SZT2: variants seen among roughly 807,000 people sequenced by gnomAD.
SZT2 encodes the protein SZT2 subunit of KICSTOR complex, also known as KICSTOR complex protein SZT2.
A neutral mutation model predicts 404.2 loss-of-function variants in SZT2; 216 were observed. The observed-to-expected ratio is 0.53, with a 90% CI of 0.48 to 0.60. SZT2 has a LOEUF of 0.60. SZT2 is among the 20% of genes least tolerant of loss of function. The probability of loss-of-function intolerance (pLI) is 0.00; values close to 1 mark genes in which losing one functional copy is unlikely to be tolerated. For synonymous variants in SZT2, 1,693 were observed against 1,749.9 expected (o/e 0.97, Z 0.81); for missense variants, 3,857 against 4,459.2 (o/e 0.86, Z 3.85).
Position 43,439,282 on chromosome 1 carries a change from C to G in SZT2, c.6793-76C>G. ...TCCCATATCTACCTGCACCACATTC[C>G]CCACTGTGGGCACCCATCCCCGAGG... On this transcript the variant is annotated intron_variant, in intron 48 of 71. Coordinates refer to ENST00000634258, the MANE Select transcript of SZT2 (RefSeq NM_001365999.1). The surrounding 1 kb of genome is among the most constrained non-coding windows in gnomAD (Gnocchi z 4.2). The G allele has an allele frequency of 6.4e-7, 1 of 1,560,548 alleles. No homozygotes were observed. The highest frequency in any genetic ancestry group is 8.8e-7 in the Non-Finnish European group (1 of 1,132,916).
At position 43,430,514 on chromosome 1, in the gene SZT2, G is replaced by A; in HGVS notation, c.4499G>A (p.Cys1500Tyr). The stretch of plus-strand genomic sequence containing the variant: ...CTACTAGGAGACACATCTGCCTGCT[G>A]TGTGGTCACTGAGAGTGACCCAGAG... ...MGEEGDTSAC[C>Y]VVTESDPELE... The change falls in exon 32 of 72, where the codon TGT becomes TAT. Residue 1500 changes from cysteine to tyrosine, a missense_variant. By Grantham distance (194) the Cys-to-Tyr change is radical (BLOSUM62 -2). Around this residue, in one of 7 missense-constraint regions of SZT2, gnomAD observed 1,725 missense variants for 1,881.0 expected, o/e 0.92. Coordinates refer to ENST00000634258, the MANE Select transcript of SZT2 (RefSeq NM_001365999.1). 1 of 1,614,198 alleles carries A rather than the reference G, an allele frequency of 6.2e-7. No homozygotes were observed. The highest frequency in any genetic ancestry group is 1.3e-5 in the African/African-American group (1 of 75,070).
Position 43,442,051 on chromosome 1 carries a change from C to T in SZT2, c.7794C>T (p.Pro2598=), listed in dbSNP as rs767907348. 11 of 1,614,004 alleles carry T rather than the reference C, an allele frequency of 6.8e-6. No individual in the cohort carries two copies. The East Asian group carries it at 1.8e-4, about 26-fold the overall frequency. Reference sequence around the variant, plus strand: ...CTTGTTCCCCTGGGCAACTGGGCCCCTCTCCCCGCCCTGCAGCTGAGCGGC... The same window carrying T: ...CTTGTTCCCCTGGGCAACTGGGCCCTTCTCCCCGCCCTGCAGCTGAGCGGC... The part of the protein sequence containing the change: ...FGPCSPGQLG[P]SPRPAAERHL... The change falls in exon 56 of 72, where the codon CCC becomes CCT. Residue 2598 remains proline (P), a synonymous_variant. Transcript: ENST00000634258. The surrounding 1 kb of genome is among the most constrained non-coding windows in gnomAD (Gnocchi z 4.5).
chr1:43,414,941 C>A, intron 4 of SZT2, 141 bp from the exon 5 acceptor site: 2 of 1,015,130 alleles, frequency 2.0e-6, no homozygotes, highest in Non-Finnish European at 1.4e-6. Flanking sequence ...GGGAAATTGG[C>A]TGTGGAGTCA....
In SZT2 at chr1:43,420,603, A is replaced by C. The variant is rs1263238997; in HGVS notation, c.1262-146A>C. The C allele has an allele frequency of 3.3e-6, 3 of 905,738 alleles. No homozygotes were observed. The highest frequency in any genetic ancestry group is 4.9e-6 in the Non-Finnish European group (3 of 612,590). The allele number at this position is 905,738 out of a possible 1,614,324, so 56.1% of individuals were successfully genotyped here. On this transcript the variant is annotated intron_variant, in intron 9 of 71. Transcript: ENST00000634258. This position sits in a 1 kb window ranked among gnomAD's most constrained non-coding sequence, Gnocchi z 5.1. ...AACTTGTGTTTGTGTCAGTGGGCCAACTCTGGGCCTGAAACCTGTGGAACC... is the reference window on the plus strand; with the variant it reads ...AACTTGTGTTTGTGTCAGTGGGCCACCTCTGGGCCTGAAACCTGTGGAACC...
rs938067486 is a variant in SZT2 at position 43,452,866 on chromosome 1, G to A, written c.*2386G>A. On this transcript the variant is annotated 3_prime_UTR_variant, in exon 72 of 72. Transcript: ENST00000634258. ...TCTTAGCCACATCCAGCTCCAAGCA[G>A]ACATTCCAGGCCTCCCCATCCCAAC... 4.5e-6 allele frequency: 7 copies of A among 1,567,810 alleles called. No homozygotes were observed. Among genetic ancestry groups the A allele is most frequent in the Admixed American group, 1.9e-5 (1 of 52,916 alleles).
Position 43,448,816 on chromosome 1 carries a change from T to C in SZT2, c.10086+88T>C. ...TGCCCCTCAGCCTGACCAAACAAGCTCTGCTCTGGAGGGAGGCCTAGACAG... is the reference window on the plus strand; with the variant it reads ...TGCCCCTCAGCCTGACCAAACAAGCCCTGCTCTGGAGGGAGGCCTAGACAG... On this transcript the variant is annotated intron_variant, in intron 70 of 71. Coordinates refer to ENST00000634258, the MANE Select transcript of SZT2 (RefSeq NM_001365999.1). The surrounding 1 kb of genome is among the most constrained non-coding windows in gnomAD (Gnocchi z 4.2). The C allele has an allele frequency of 1.6e-6, 2 of 1,285,390 alleles. No individual in the cohort carries two copies. Among genetic ancestry groups the C allele is most frequent in the South Asian group, 2.4e-5 (2 of 83,564 alleles). The allele number at this position is 1,285,390 out of a possible 1,614,324, so 79.6% of individuals were successfully genotyped here.
rs779135534 is a variant in SZT2 at position 43,453,366 on chromosome 1, G to C, written c.*2886G>C. Reference sequence around the variant, plus strand: ...CAGGGTCATGGGTCACAGGGGTGGGGGTGGGGTGGAGCGGGGTACCTGGGA... The same window carrying C: ...CAGGGTCATGGGTCACAGGGGTGGGCGTGGGGTGGAGCGGGGTACCTGGGA... On this transcript the variant is annotated 3_prime_UTR_variant, in exon 72 of 72. Transcript: ENST00000634258. The C allele has an allele frequency of 7.4e-6, 11 of 1,486,894 alleles. No individual in the cohort carries two copies. Among genetic ancestry groups the C allele is most frequent in the Non-Finnish European group, 8.2e-6 (9 of 1,091,604 alleles). The allele number at this position is 1,486,894 out of a possible 1,614,324, so 92.1% of individuals were successfully genotyped here.
chr1:43,444,874 G>C (rs1019310376), intron 62 of SZT2, among the ~76,000 whole-genome samples: 1 of 152,094 alleles, frequency 6.6e-6, no homozygotes, highest in African/African-American at 2.4e-5. Flanking sequence ...CCTCCTCTCT[G>C]TTTTCAGTTA....
chr1:43,443,590 C>T lies in SZT2; in HGVS notation c.8626-7C>T, dbSNP rs1655328281. 2 of 1,614,080 alleles carry T rather than the reference C, an allele frequency of 1.2e-6. No homozygotes were observed. The highest frequency in any genetic ancestry group is 2.2e-5 in the East Asian group (1 of 44,864). On this transcript the variant is annotated splice_region_variant and splice_polypyrimidine_tract_variant and intron_variant, in intron 61 of 71. Transcript: ENST00000634258. Reference sequence around the variant, plus strand: ...GGGAGAGTCTTCCTTGATCTTTACTCTCATAGCGGCGCCATCGCCCTGAGT... The same window carrying T: ...GGGAGAGTCTTCCTTGATCTTTACTTTCATAGCGGCGCCATCGCCCTGAGT...
chr1:43,404,735 A>C, intron 4 of SZT2, 185 bp downstream of exon 4: 1 of 574,300 alleles, frequency 1.7e-6, no homozygotes, highest in Non-Finnish European at 3.0e-6. Flanking sequence ...CTCTGGACTT[A>C]AAGGGCTTTC....
chr1:43,399,237 C>T (rs1293254662), intron 1 of SZT2, among the ~76,000 whole-genome samples: 1 of 152,184 alleles, frequency 6.6e-6, no homozygotes, highest in Non-Finnish European at 1.5e-5. Flanking sequence ...CCTTGAAATA[C>T]AACTAAGTTC....
Position 43,438,951 on chromosome 1 carries a change from T to G in SZT2, c.6650T>G (p.Leu2217Arg). 6.2e-7 allele frequency: 1 copy of G among 1,614,148 alleles called. No homozygotes were observed. Among genetic ancestry groups the G allele is most frequent in the Non-Finnish European group, 8.5e-7 (1 of 1,180,020 alleles). Reference protein sequence around the residue: ...DVEFIQPPGSLPSEVLHLALP... With the variant: ...DVEFIQPPGSRPSEVLHLALP... Reference sequence around the variant, plus strand: ...CAGTTCATCCAGCCCCCTGGAAGTCTCCCCTCAGAGGTGCTGCATCTGGCC... The same window carrying G: ...CAGTTCATCCAGCCCCCTGGAAGTCGCCCCTCAGAGGTGCTGCATCTGGCC... The change falls in exon 48 of 72, where the codon CTC (leucine) becomes CGC (arginine). Residue 2217 changes from leucine (L) to arginine (R), a missense_variant. Leu to Arg is a moderately radical substitution (Grantham distance 102). Around this residue, in one of 7 missense-constraint regions of SZT2, gnomAD observed 261 missense variants for 372.9 expected, o/e 0.70. Coordinates refer to ENST00000634258, the MANE Select transcript of SZT2 (RefSeq NM_001365999.1).
intron 62 of SZT2, among the ~76,000 whole-genome samples, chr1:43,444,392 C>T (rs528766943): frequency 2.0e-5 from 3 of 152,248 alleles, no homozygotes; most frequent in African/African-American, 4.8e-5. Flanking sequence ...CCATCACGCC[C>T]GGCCTGCACA....
Position 43,431,498 on chromosome 1 carries a change from T to C in SZT2, c.5063T>C (p.Leu1688Pro), listed in dbSNP as rs769266783. 2 of 1,614,062 alleles carry C rather than the reference T, an allele frequency of 1.2e-6. No homozygotes were observed. Among genetic ancestry groups the C allele is most frequent in the Non-Finnish European group, 1.7e-6 (2 of 1,180,024 alleles). ...GLSNLATPHR[L>P]AIETTMNEIR... ...TCCAATTTGGCCACGCCCCACAGAC[T>C]GGCTATTGAGACCACCATGAATGAG... is the stretch of plus-strand genomic sequence containing the variant. Residue 1688 changes from leucine (L) to proline (P), a missense_variant, in exon 35 of 72, where the codon CTG becomes CCG. Leu to Pro is a moderately conservative substitution (Grantham distance 98, BLOSUM62 -3). This residue lies in a region of SZT2 where 1,725 missense variants were observed against 1,881.0 expected (regional missense o/e 0.92). Coordinates refer to ENST00000634258, the MANE Select transcript of SZT2 (RefSeq NM_001365999.1).
intron 41 of SZT2, 123 bp from the exon 42 acceptor site, chr1:43,435,077 T>C (rs1654319689): frequency 8.5e-7 from 1 of 1,174,204 alleles, no homozygotes; most frequent in Non-Finnish European, 1.2e-6. Flanking sequence ...TGACTGATAT[T>C]CTTGTTGACC....
chr1:43,449,793 C>T (rs1656161002), intron 70 of SZT2: 1 of 483,174 alleles, frequency 2.1e-6, no homozygotes, highest in Non-Finnish European at 3.8e-6. Flanking sequence ...AGTCCCAGGA[C>T]AGGAGGCAAG....
Position 43,434,443 on chromosome 1 carries a change from C to T in SZT2, c.5862C>T (p.Leu1954=), listed in dbSNP as rs1654252055. Residue 1954 remains leucine, a synonymous_variant, in exon 41 of 72, where the codon CTC becomes CTT. Transcript: ENST00000634258. ...CTGAGTGTCGCCACCTGCAGCAGCTCCTGGTGAGGCGAGTTGGGGAGATCT... is the reference window on the plus strand; with the variant it reads ...CTGAGTGTCGCCACCTGCAGCAGCTTCTGGTGAGGCGAGTTGGGGAGATCT... ...PGTECRHLQQ[L]LVRRVGEICR... 2 of 1,598,824 alleles carry T rather than the reference C, an allele frequency of 1.3e-6. No individual in the cohort carries two copies. Among genetic ancestry groups the T allele is most frequent in the Admixed American group, 1.8e-5 (1 of 56,968 alleles).
At chr1:43,435,397 G>A (rs2153934688) in intron 42 of SZT2, 68 bp downstream of exon 42, 1 of 1,574,782 alleles carries the variant, frequency 6.4e-7, no homozygotes, top group Non-Finnish European at 8.6e-7. Flanking sequence ...CGAATACTCT[G>A]GTGAAAGCTG....
In SZT2 at chr1:43,425,698, CTT is replaced by C; in HGVS notation, c.2814+59_2814+60del. 9 of 1,605,444 alleles carry C rather than the reference CTT, an allele frequency of 5.6e-6. No homozygotes were observed. Among genetic ancestry groups the C allele is most frequent in the Non-Finnish European group, 6.0e-6 (7 of 1,174,818 alleles). On this transcript the variant is annotated intron_variant, in intron 19 of 71. Coordinates refer to ENST00000634258, the MANE Select transcript of SZT2 (RefSeq NM_001365999.1). The surrounding 1 kb of genome is among the most constrained non-coding windows in gnomAD (Gnocchi z 4.3). ...CTCTCACTGGATTGGGGTGCCATCTCTTTTGGAGTACTGCAGTCTGTGGGCTT... is the reference window on the plus strand; with the variant it reads ...CTCTCACTGGATTGGGGTGCCATCTCTTGGAGTACTGCAGTCTGTGGGCTT...
Sources: gnomAD v4.1 joint callset for allele counts (sites outside exome capture counted in the v4.1 genomes callset) on GRCh38, gnomAD v4.1.1 for gene constraint, gnomAD v4.1.1 regional missense constraint, Gnocchi (gnomAD v3.1) non-coding constraint, MANE v1.5 for transcripts, NCBI Gene and HGNC (gene_info 2026-07-23, HGNC 2026-07-21) for gene names.